Variants in COL27A1 observed in about 807,000 individuals in gnomAD.
COL27A1 encodes collagen type XXVII alpha 1 chain.
COL27A1 carries 106 observed loss-of-function variants against 251.3 expected under a neutral mutation model. That is an observed-to-expected ratio of 0.42 (90% CI 0.36 to 0.50). COL27A1 has a LOEUF of 0.50. Among genes scored for constraint, COL27A1 ranks in the 20% least tolerant of loss-of-function variants. The pLI is 0.00. For missense variants in COL27A1, 2,325 were observed against 2,522.8 expected (o/e 0.92, Z 1.68); for synonymous variants, 1,000 against 986.3 (o/e 1.01, Z -0.26).
intron 56 of COL27A1, 57 bp downstream of exon 56, chr9:114,302,165 G>A (rs776726677): frequency 2.7e-6 from 4 of 1,465,246 alleles, no homozygotes; most frequent in East Asian, 2.3e-5. Context: ...GGGTTTGGGG[G>A]AAGAGGCTGC....
At chr9:114,213,693 A>G (rs572312964) in intron 12 of COL27A1, among the ~76,000 whole-genome samples, 2 of 152,304 alleles carry the variant, frequency 1.3e-5, no homozygotes, top group East Asian at 1.9e-4. Flanking sequence ...CTCGGTGTGC[A>G]TAGTATTTGA....
At chr9:114,294,482 G>A (rs947291217) in intron 49 of COL27A1, among the ~76,000 whole-genome samples, 1 of 152,086 alleles carries the variant, frequency 6.6e-6, no homozygotes, top group Non-Finnish European at 1.5e-5. Flanking sequence ...ATATAATAAG[G>A]ATAATACATC....
intron 10 of COL27A1, among the ~76,000 whole-genome samples, chr9:114,207,493 C>T (rs977361014): frequency 6.6e-5 from 10 of 152,222 alleles, no homozygotes; most frequent in East Asian, 3.8e-4. Flanking sequence ...TCCTGACCTG[C>T]CAGAAGGACA....
intron 14 of COL27A1, among the ~76,000 whole-genome samples, chr9:114,225,464 G>C (rs1254723839): frequency 2.0e-5 from 3 of 152,154 alleles, no homozygotes; most frequent in African/African-American, 7.2e-5. Context: ...CCTGTAACTG[G>C]GGGATCACAG....
At chr9:114,301,163 C>T in intron 52 of COL27A1, 38 bp downstream of exon 52, 2 of 1,613,024 alleles carry the variant, frequency 1.2e-6, no homozygotes, top group East Asian at 2.2e-5. Flanking sequence ...TCCGGGGTCC[C>T]CTTGCCTTCC....
chr9:114,192,527 T>G (rs1173993453), intron 5 of COL27A1, among the ~76,000 whole-genome samples: 1 of 152,104 alleles, frequency 6.6e-6, no homozygotes, highest in African/African-American at 2.4e-5. Context: ...ACCTTCAGCC[T>G]GGGGTTGCTG....
At chr9:114,270,599 C>A in intron 35 of COL27A1, 129 bp from the exon 36 acceptor site, 1 of 662,618 alleles carries the variant, frequency 1.5e-6, no homozygotes, top group Non-Finnish European at 2.6e-6. Flanking sequence ...TGTGCCAGGG[C>A]CCCCAGGGTC....
intron 2 of COL27A1, among the ~76,000 whole-genome samples, 200 bp from the exon 3 acceptor site, chr9:114,167,489 G>A (rs1182472083): frequency 6.6e-6 from 1 of 152,144 alleles, no homozygotes; most frequent in East Asian, 1.9e-4. Context: ...CCAGATAAGG[G>A]GTCACAATCC....
In COL27A1 at chr9:114,262,938, A is replaced by ATTTTTT. The variant is rs386415960; in HGVS notation, c.3196-1404_3196-1399dup. Among the ~76,000 whole-genome samples, 247 of 127,000 alleles carry ATTTTTT rather than the reference A, an allele frequency of 1.9e-3. 11 individuals carry two copies. The highest frequency in any genetic ancestry group is 9.4e-3 in the Middle Eastern group (2 of 212). 83.3% of individuals were successfully genotyped at this position (127,000 alleles called of 152,430 possible). A position where few individuals can be genotyped will look rare whatever the true frequency, so the allele number is the denominator to read the frequency against. Reference sequence around the variant, plus strand: ...TATTCATTGAAAATTTCCTTGTTTGATTTTTTTTTTTTTTTTTTGAGATGG... The same window carrying ATTTTTT: ...TATTCATTGAAAATTTCCTTGTTTGATTTTTTTTTTTTTTTTTTTTTTTTGAGATGG... On this transcript the variant is annotated intron_variant, in intron 28 of 60. Coordinates refer to ENST00000356083, the MANE Select transcript of COL27A1 (RefSeq NM_032888.4).
chr9:114,254,168 G>T (rs1200469275), intron 27 of COL27A1, among the ~76,000 whole-genome samples: 1 of 152,154 alleles, frequency 6.6e-6, no homozygotes, highest in Non-Finnish European at 1.5e-5. Flanking sequence ...TGTTCTGGAA[G>T]AGCAGGCACA....
intron 16 of COL27A1, among the ~76,000 whole-genome samples, chr9:114,232,762 T>C (rs986622120): frequency 2.0e-5 from 3 of 152,290 alleles, no homozygotes; most frequent in Non-Finnish European, 1.5e-5. Context: ...TTAATCCTCC[T>C]ACCCACTATG....
rs562552934 is a variant in COL27A1, at chr9:114,169,605, C to A, written c.1908+142C>A. 5 of 595,570 alleles carry A rather than the reference C, an allele frequency of 8.4e-6. No homozygotes were observed. The African/African-American group carries it at 9.2e-5, about 11-fold the overall frequency. The allele number at this position is 595,570 out of a possible 1,614,324, so 36.9% of individuals were successfully genotyped here. A position where few individuals can be genotyped will look rare whatever the true frequency, so the allele number is the denominator to read the frequency against. On this transcript the variant is annotated intron_variant, in intron 3 of 60. Coordinates refer to ENST00000356083, the MANE Select transcript of COL27A1 (RefSeq NM_032888.4). ...TTATGGGTACATCCTTGGCTCCAGCCAGGCCCCCGGCTCCTCTGGCTCTGC... is the reference window on the plus strand; with the variant it reads ...TTATGGGTACATCCTTGGCTCCAGCAAGGCCCCCGGCTCCTCTGGCTCTGC...
Position 114,238,578 on chromosome 9 carries a change from G to C in COL27A1, c.2727+863G>C, listed in dbSNP as rs147328066. On this transcript the variant is annotated intron_variant, in intron 19 of 60. Transcript: ENST00000356083. ...GATCACTTCTGCTATCACTCGGATG[G>C]ATGAGGAAATGTTTCCTAAAAGCTA... 2.3e-3 allele frequency among the ~76,000 whole-genome samples: 343 copies of C among 152,352 alleles called. 1 individual carries two copies. The highest frequency in any genetic ancestry group is 3.8e-3 in the Non-Finnish European group (257 of 68,042).
chr9:114,156,110 C>G (rs1302903510), intron 1 of COL27A1, 98 bp downstream of exon 1: 11 of 1,281,024 alleles, frequency 8.6e-6, no homozygotes, highest in Non-Finnish European at 1.1e-5. Context: ...TCCAGCGGAA[C>G]GTCAGCTTCC....
intron 49 of COL27A1, 105 bp from the exon 50 acceptor site, chr9:114,299,965 C>A (rs1828502399): frequency 7.6e-6 from 8 of 1,055,920 alleles, no homozygotes; most frequent in South Asian, 1.3e-5. Flanking sequence ...ACTGATATCC[C>A]TGGAAAGGCT....
chr9:114,270,311 A>C (rs570076195), intron 35 of COL27A1, among the ~76,000 whole-genome samples: 2 of 152,356 alleles, frequency 1.3e-5, no homozygotes, highest in East Asian at 3.9e-4. Context: ...ATGAGAAACC[A>C]AGAAGTAGCA....
chr9:114,228,625 C>T (rs1251915945), intron 14 of COL27A1, among the ~76,000 whole-genome samples: 1 of 152,240 alleles, frequency 6.6e-6, no homozygotes, highest in Non-Finnish European at 1.5e-5. Flanking sequence ...CTCAGAGCCT[C>T]AGTTTCCTCA....
intron 23 of COL27A1, 54 bp from the exon 24 acceptor site, chr9:114,245,812 G>A (rs1833090987): frequency 2.6e-6 from 4 of 1,552,730 alleles, no homozygotes; most frequent in African/African-American, 2.7e-5. Flanking sequence ...TTCCCCAGGA[G>A]GTCTAGACTT....
intron 14 of COL27A1, among the ~76,000 whole-genome samples, chr9:114,227,526 C>T (rs1384353568): frequency 1.3e-5 from 2 of 152,110 alleles, no homozygotes; most frequent in African/African-American, 4.8e-5. Context: ...TGCTTACCTC[C>T]TGGGGTTACT....
Sources: allele counts gnomAD v4.1 joint callset (sites outside exome capture counted in the v4.1 genomes callset), GRCh38; gene constraint gnomAD v4.1.1; transcripts MANE v1.5; gene names NCBI Gene and HGNC (gene_info 2026-07-23, HGNC 2026-07-21).